SEMA3E: variants seen among roughly 807,000 people sequenced by gnomAD.
The protein encoded by SEMA3E is semaphorin-3E.
SEMA3E carries 49 observed loss-of-function variants against 93.6 expected under a neutral mutation model. The ratio of observed to expected loss-of-function variants is 0.52; its 90% CI spans 0.42 to 0.66. The LOEUF (loss-of-function observed/expected upper bound fraction) is 0.66. Among genes scored for constraint, SEMA3E ranks in the 30% least tolerant of loss-of-function variants. The pLI, the probability that SEMA3E is intolerant of heterozygous loss-of-function variation, is 0.00. For synonymous variants in SEMA3E, 363 were observed against 330.7 expected (o/e 1.10, Z -1.06); for missense variants, 906 against 964.8 (o/e 0.94, Z 0.81).
chr7:83,519,144 C>T (rs913608244), intron 1 of SEMA3E, among the ~76,000 whole-genome samples: 9 of 151,924 alleles, frequency 5.9e-5, no homozygotes, highest in Admixed American at 5.9e-4. Flanking sequence ...ACAACAGGCC[C>T]CAGAGTGTGA....
At chr7:83,370,274 T>C (rs1186169996) in intron 16 of SEMA3E, among the ~76,000 whole-genome samples, 1 of 152,158 alleles carries the variant, frequency 6.6e-6, no homozygotes, top group Non-Finnish European at 1.5e-5. Flanking sequence ...CCCTTTAATA[T>C]GTACAATTCA....
intron 1 of SEMA3E, among the ~76,000 whole-genome samples, chr7:83,514,712 T>G (rs1018558609): frequency 1.3e-5 from 2 of 152,164 alleles, no homozygotes; most frequent in African/African-American, 4.8e-5. Flanking sequence ...ATCCCTATTC[T>G]TATTCTAAAG....
intron 1 of SEMA3E, among the ~76,000 whole-genome samples, chr7:83,494,203 A>C (rs756670931): frequency 1.3e-5 from 2 of 151,784 alleles, no homozygotes; most frequent in African/African-American, 2.4e-5. Context: ...GTCATCCGCT[A>C]ATATCTGTTA....
At position 83,407,242 on chromosome 7, in the gene SEMA3E, A is replaced by G. The variant is rs1180173714; in HGVS notation, c.671-3T>C. The G allele has an allele frequency of 6.2e-7, 1 of 1,611,720 alleles. No homozygotes were observed. Among genetic ancestry groups the G allele is most frequent in the Admixed American group, 1.7e-5 (1 of 59,838 alleles). ...GTATGAACCTACAAATTTTGGTTCT[A>G]TAGGAGCAAAAAATAGGAGAAAAAG... On this transcript the variant is annotated splice_polypyrimidine_tract_variant and splice_region_variant and intron_variant, in intron 6 of 16. Transcript: ENST00000643230.
chr7:83,368,101 C>G, intron 16 of SEMA3E, 63 bp from the exon 17 acceptor site: 1 of 1,418,116 alleles, frequency 7.1e-7, no homozygotes, highest in Non-Finnish European at 9.9e-7. Context: ...AATCCATCAC[C>G]CTTTCCACTA....
Position 83,408,448 on chromosome 7 carries a change from C to A in SEMA3E, c.590G>T (p.Ser197Ile). The A allele has an allele frequency of 6.2e-7, 1 of 1,613,800 alleles. No homozygotes were observed. Among genetic ancestry groups the A allele is most frequent in the South Asian group, 1.1e-5 (1 of 91,088 alleles). Residue 197 changes from serine (S) to isoleucine (I), a missense_variant, in exon 6 of 17, where the codon AGC becomes ATC. By Grantham distance (142) the Ser-to-Ile change is moderately radical. Transcript: ENST00000643230. ...GCTGCGGAAGATCGCAGCGTCTCTG[C>A]TCCAGTAGTCACTGTAGAGTCCAGC... ...LFAGLYSDYW[S>I]RDAAIFRSMG...
At chr7:83,410,334 A>G (rs1037673702) in intron 5 of SEMA3E, among the ~76,000 whole-genome samples, 6 of 152,022 alleles carry the variant, frequency 3.9e-5, no homozygotes, top group African/African-American at 1.4e-4. Flanking sequence ...AATTTTCAAG[A>G]TCACAGAGTT....
intron 1 of SEMA3E, among the ~76,000 whole-genome samples, chr7:83,614,633 G>GGT (rs141767682): frequency 0.01 from 1,531 of 152,168 alleles, 25 homozygotes; most frequent in African/African-American, 0.035. Flanking sequence ...ATCCAAAGTA[G>GGT]GTGTTCAAAT....
At chr7:83,482,517 A>G (rs1023700646) in intron 2 of SEMA3E, among the ~76,000 whole-genome samples, 96 of 130,976 alleles carry the variant, frequency 7.3e-4, no homozygotes, top group Non-Finnish European at 3.0e-4. Flanking sequence ...GTGAGCCGAG[A>G]TTGCACCACT....
chr7:83,512,536 C>T (rs868654276), intron 1 of SEMA3E, among the ~76,000 whole-genome samples: 1 of 152,062 alleles, frequency 6.6e-6, no homozygotes, highest in South Asian at 2.1e-4. Context: ...TGTTCTGATG[C>T]TCTGTAACTT....
intron 1 of SEMA3E, among the ~76,000 whole-genome samples, chr7:83,566,264 C>G (rs1319364140): frequency 6.6e-6 from 1 of 151,834 alleles, no homozygotes; most frequent in Non-Finnish European, 1.5e-5. Context: ...CTTCGGCCTC[C>G]CAGAGTGCTG....
intron 1 of SEMA3E, among the ~76,000 whole-genome samples, chr7:83,638,037 T>C (rs1230261350): frequency 1.3e-5 from 2 of 152,188 alleles, no homozygotes; most frequent in African/African-American, 4.8e-5. Context: ...ACTCATTATA[T>C]ATAGCTATCC....
intron 1 of SEMA3E, among the ~76,000 whole-genome samples, chr7:83,506,824 T>G (rs1790714526): frequency 6.6e-6 from 1 of 152,110 alleles, no homozygotes; most frequent in Admixed American, 6.6e-5. Context: ...ATGGAAAACT[T>G]GGAAGACACT....
At chr7:83,514,305 C>G (rs1488501966) in intron 1 of SEMA3E, among the ~76,000 whole-genome samples, 1 of 152,104 alleles carries the variant, frequency 6.6e-6, no homozygotes, top group African/African-American at 2.4e-5. Context: ...CCTTTACATT[C>G]TTAATAAACT....
At chr7:83,606,269 G>C (rs1050832825) in intron 1 of SEMA3E, among the ~76,000 whole-genome samples, 1 of 152,144 alleles carries the variant, frequency 6.6e-6, no homozygotes, top group Non-Finnish European at 1.5e-5. Context: ...AAAAGCTATT[G>C]AATTGCTGAT....
chr7:83,513,648 CAT>C (rs1790870594), intron 1 of SEMA3E, among the ~76,000 whole-genome samples: 1 of 152,142 alleles, frequency 6.6e-6, no homozygotes, highest in African/African-American at 2.4e-5. Flanking sequence ...CACATACAAA[CAT>C]ATGCACATGC....
intron 4 of SEMA3E, among the ~76,000 whole-genome samples, chr7:83,449,249 G>C (rs6952878): frequency 6.6e-6 from 1 of 151,316 alleles, no homozygotes; most frequent in African/African-American, 2.4e-5. Flanking sequence ...ACAGGCATGC[G>C]CCACCACGCC....
chr7:83,469,727 CTT>C (rs1325661573), intron 2 of SEMA3E, among the ~76,000 whole-genome samples: 1 of 152,126 alleles, frequency 6.6e-6, no homozygotes, highest in East Asian at 1.9e-4. Flanking sequence ...ATGAATGACT[CTT>C]TAAATGCTGA....
chr7:83,552,231 C>T (rs1791781566), intron 1 of SEMA3E, among the ~76,000 whole-genome samples: 2 of 152,290 alleles, frequency 1.3e-5, no homozygotes, highest in East Asian at 1.9e-4. Context: ...GGCAGAGGAA[C>T]ATAAATTGTG....
Sources: gnomAD v4.1 joint callset for allele counts (sites outside exome capture counted in the v4.1 genomes callset) on GRCh38, gnomAD v4.1.1 for gene constraint, MANE v1.5 for transcripts, NCBI Gene and HGNC (gene_info 2026-07-23, HGNC 2026-07-21) for gene names.